COL27A1: variants seen among roughly 807,000 people sequenced by gnomAD.
The protein encoded by COL27A1 is collagen alpha-1(XXVII) chain.
Under a neutral mutation model 251.3 loss-of-function variants are expected in COL27A1, and 106 were observed. The ratio of observed to expected loss-of-function variants is 0.42; its 90% confidence interval spans 0.36 to 0.50. The LOEUF is 0.50. Ranked by LOEUF, COL27A1 falls within the 20% of genes least tolerant of loss-of-function variation. COL27A1 has a pLI of 0.00. For missense variants in COL27A1, 2,325 were observed against 2,522.8 expected, an observed-to-expected ratio of 0.92 and a Z score of 1.68; for synonymous variants, 1,000 against 986.3, an observed-to-expected ratio of 1.01 and a Z score of -0.26.
chr9:114,302,149 C>T (rs779269646), intron 56 of COL27A1, 41 bp downstream of exon 56: 2 of 1,571,598 alleles, frequency 1.3e-6, no homozygotes, highest in South Asian at 1.1e-5. Flanking sequence ...TGGGGTAAGG[C>T]CTGAGGGGTT....
At chr9:114,258,108 G>A (rs1588793193) in intron 27 of COL27A1, among the ~76,000 whole-genome samples, 1 of 152,164 alleles carries the variant, frequency 6.6e-6, no homozygotes, top group South Asian at 2.1e-4. Flanking sequence ...GAGGCGGGGG[G>A]ATCACTTGAG....
intron 32 of COL27A1, among the ~76,000 whole-genome samples, chr9:114,265,847 A>G (rs1834706238): frequency 6.6e-6 from 1 of 152,238 alleles, no homozygotes; most frequent in African/African-American, 2.4e-5. Flanking sequence ...GCATGGCTGA[A>G]GTGGAAAGCG....
chr9:114,267,459 G>A (rs1834823923), intron 33 of COL27A1, 45 bp from the exon 34 acceptor site: 1 of 1,569,342 alleles, frequency 6.4e-7, no homozygotes, highest in Non-Finnish European at 8.6e-7. Flanking sequence ...TTACAACCAG[G>A]GGGCAGCTCT....
chr9:114,264,702 C>T (rs1834611111), intron 29 of COL27A1, among the ~76,000 whole-genome samples: 2 of 152,182 alleles, frequency 1.3e-5, no homozygotes, highest in South Asian at 4.2e-4. Context: ...CTGGCAGCCC[C>T]ATCCCTAGGA....
intron 48 of COL27A1, among the ~76,000 whole-genome samples, chr9:114,291,235 T>C (rs1827893348): frequency 6.6e-6 from 1 of 152,146 alleles, no homozygotes; most frequent in Non-Finnish European, 1.5e-5. Flanking sequence ...CCCCAAGGCA[T>C]CCTTAGAAAG....
rs568664440 is a variant in COL27A1, at chr9:114,309,003, AT to A, written c.5218-256del. Among the ~76,000 whole-genome samples the A allele has an allele frequency of 3.4e-3, 514 of 152,266 alleles. 6 individuals are homozygous for A. The highest frequency in any genetic ancestry group is 0.012 in the African/African-American group (481 of 41,566). On this transcript the variant is annotated intron_variant, in intron 59 of 60. Transcript: ENST00000356083. ...CCCATACAGTAAGGGAGTGGATCAG[AT>A]GGCACCAAGATCTTTGAAGCTCTGG...
chr9:114,181,461 C>A (rs1452007662), intron 4 of COL27A1, among the ~76,000 whole-genome samples: 1 of 152,038 alleles, frequency 6.6e-6, no homozygotes, highest in East Asian at 1.9e-4. Flanking sequence ...GGGAAGCTGG[C>A]CTCAGAGAGG....
chr9:114,205,912 G>A, intron 9 of COL27A1, 100 bp downstream of exon 9: 1 of 1,072,356 alleles, frequency 9.3e-7, no homozygotes, highest in Non-Finnish European at 1.4e-6. Flanking sequence ...GGGCCAAGGA[G>A]CTGCACCTGC....
intron 7 of COL27A1, among the ~76,000 whole-genome samples, chr9:114,199,835 G>A (rs1424707087): frequency 6.6e-6 from 1 of 152,142 alleles, no homozygotes; most frequent in Non-Finnish European, 1.5e-5. Flanking sequence ...CTCACCTCTG[G>A]CAAGCCTCAC....
At chr9:114,161,099 T>A (rs971956925) in intron 1 of COL27A1, among the ~76,000 whole-genome samples, 10 of 152,152 alleles carry the variant, frequency 6.6e-5, no homozygotes, top group Non-Finnish European at 1.3e-4. Flanking sequence ...ATCCCAACAG[T>A]GTCTTCAGAC....
In COL27A1 at chr9:114,168,197, C is replaced by T. The variant is rs1169033768; in HGVS notation, c.642C>T (p.Cys214=). The T allele has an allele frequency of 1.2e-6, 2 of 1,613,820 alleles. No homozygotes were observed. The highest frequency in any genetic ancestry group is 1.3e-5 in the African/African-American group (1 of 74,936). ...CAGTCCAGTTTGAAGGTGCTCTCTG[C>T]CAGTTCAGTATCTACCCTGTGACGC... ...PHAVQFEGAL[C]QFSIYPVTQV... The change falls in exon 3 of 61, where the codon TGC becomes TGT. Residue 214 remains cysteine (C), a synonymous_variant. Transcript: ENST00000356083.
chr9:114,236,431 TG>T (rs1274220089), intron 17 of COL27A1, among the ~76,000 whole-genome samples: 2 of 152,176 alleles, frequency 1.3e-5, no homozygotes, highest in African/African-American at 2.4e-5. Context: ...ATATTGACTA[TG>T]GGATCAAACT....
intron 29 of COL27A1, 102 bp downstream of exon 29, chr9:114,264,510 CA>C: frequency 1.1e-6 from 1 of 923,738 alleles, no homozygotes; most frequent in Non-Finnish European, 1.6e-6. Flanking sequence ...TTAGGGACAA[CA>C]AAGGGAGCCC....
At position 114,206,278 on chromosome 9, in the gene COL27A1, C is replaced by T. The variant is rs373974606; in HGVS notation, c.2250C>T (p.Pro750=). 1.8e-5 allele frequency: 29 copies of T among 1,614,134 alleles called. 1 individual carries two copies. The highest frequency in any genetic ancestry group is 1.4e-4 in the South Asian group (13 of 91,070). ...RQGLPGPVGD[P]GPKGSRGYIG... is the part of the protein sequence containing the mutation. ...GGTTACCTGGACCGGTAGGAGATCC[C>T]GGCCCCAAAGGCAGCAGGGTAAGTG... Residue 750 remains proline (P), a synonymous_variant, in exon 10 of 61, where the codon CCC becomes CCT. Coordinates refer to ENST00000356083, the MANE Select transcript of COL27A1 (RefSeq NM_032888.4).
chr9:114,157,866 G>C (rs1231669666), intron 1 of COL27A1, among the ~76,000 whole-genome samples: 1 of 152,192 alleles, frequency 6.6e-6, no homozygotes, highest in Non-Finnish European at 1.5e-5. Flanking sequence ...AGCTGGCTGG[G>C]TTTTGTGAAG....
At chr9:114,237,203 AC>A (rs1304479896) in intron 18 of COL27A1, among the ~76,000 whole-genome samples, 169 bp downstream of exon 18, 1 of 152,232 alleles carries the variant, frequency 6.6e-6, no homozygotes, top group Non-Finnish European at 1.5e-5. Flanking sequence ...AGATGAGGAT[AC>A]TGTGAGAGGC....
chr9:114,194,881 CT>C (rs1282767925), intron 6 of COL27A1, among the ~76,000 whole-genome samples: 2 of 152,180 alleles, frequency 1.3e-5, no homozygotes, highest in Non-Finnish European at 2.9e-5. Context: ...GCAGACGGGT[CT>C]GTGGATTTCT....
intron 19 of COL27A1, among the ~76,000 whole-genome samples, chr9:114,238,692 A>G (rs537312311): frequency 1.3e-5 from 2 of 152,226 alleles, no homozygotes; most frequent in Admixed American, 6.5e-5. Flanking sequence ...CATGGCCCCA[A>G]TTCCCTCCTC....
rs769336732 is a variant in COL27A1, at chr9:114,310,589, G to A, written c.5477G>A (p.Arg1826Gln). 3 of 1,614,144 alleles carry A rather than the reference G, an allele frequency of 1.9e-6. No individual in the cohort carries two copies. Among genetic ancestry groups the A allele is most frequent in the Non-Finnish European group, 2.5e-6 (3 of 1,180,022 alleles). Residue 1826 changes from arginine (R) to glutamine (Q), a missense_variant, in exon 61 of 61, where the codon CGG (arginine) becomes CAG (glutamine). Arg to Gln is a conservative substitution (Grantham distance 43). Around this residue, in one of 4 missense-constraint regions of COL27A1, gnomAD observed 327 missense variants for 442.8 expected, o/e 0.74. Transcript: ENST00000356083. The part of the protein sequence containing the change: ...GRWHQTLFTF[R>Q]TQDPQQLPII... ...TGGCATCAGACACTCTTCACCTTCCGGACCCAAGACCCCCAACAGCTGCCC... is the reference window on the plus strand; with the variant it reads ...TGGCATCAGACACTCTTCACCTTCCAGACCCAAGACCCCCAACAGCTGCCC...
Sources: gnomAD v4.1 joint callset for allele counts (sites outside exome capture counted in the v4.1 genomes callset) on GRCh38, gnomAD v4.1.1 for gene constraint, gnomAD v4.1.1 regional missense constraint, MANE v1.5 for transcripts, NCBI Gene and HGNC (gene_info 2026-07-23, HGNC 2026-07-21) for gene names.